The following INPP4B variants were observed in gnomAD, a reference collection of about 807,000 sequenced individuals.
INPP4B encodes inositol polyphosphate 4-phosphatase type II.
INPP4B carries 55 observed loss-of-function variants against 122.5 expected under a neutral mutation model. The observed-to-expected ratio is 0.45, with a 90% confidence interval of 0.36 to 0.56. INPP4B has a LOEUF of 0.56. Ranked by LOEUF, INPP4B falls within the 20% of genes least tolerant of loss-of-function variation. The pLI is 0.00. For synonymous variants in INPP4B, 403 were observed against 388.7 expected (o/e 1.04, Z -0.43); for missense variants, 1,000 against 1,097.7 (o/e 0.91, Z 1.26).
chr4:142,202,256 C>G (rs543974534), intron 14 of INPP4B, among the ~76,000 whole-genome samples: 1 of 152,018 alleles, frequency 6.6e-6, no homozygotes, highest in Non-Finnish European at 1.5e-5. Context: ...GAGATAATAA[C>G]TCTATTTTTC....
chr4:142,835,603 T>G (rs1191142796), intron 1 of INPP4B, among the ~76,000 whole-genome samples: 2 of 152,216 alleles, frequency 1.3e-5, no homozygotes, highest in African/African-American at 4.8e-5. Flanking sequence ...AAAAGTCTAT[T>G]ATTTTAGGGA....
At chr4:142,460,512 G>A (rs907547774) in intron 3 of INPP4B, among the ~76,000 whole-genome samples, 1 of 152,062 alleles carries the variant, frequency 6.6e-6, no homozygotes, top group Admixed American at 6.6e-5. Context: ...TTCAATGTTG[G>A]TCTATTTTCT....
At chr4:142,720,683 G>C (rs1285638035) in intron 2 of INPP4B, among the ~76,000 whole-genome samples, 6 of 106,152 alleles carry the variant, frequency 5.7e-5, no homozygotes, top group Non-Finnish European at 1.0e-4. Context: ...ATCTATGGAT[G>C]TGGAACCCAT....
intron 2 of INPP4B, among the ~76,000 whole-genome samples, chr4:142,561,711 G>A (rs886446714): frequency 8.5e-5 from 13 of 152,120 alleles, no homozygotes; most frequent in African/African-American, 3.1e-4. Context: ...GAGCCACCAC[G>A]CCTGGCTGAC....
At chr4:142,284,337 A>C (rs1752539156) in intron 9 of INPP4B, among the ~76,000 whole-genome samples, 1 of 152,196 alleles carries the variant, frequency 6.6e-6, no homozygotes, top group Non-Finnish European at 1.5e-5. Flanking sequence ...AAGTGCTGGA[A>C]TAATGTTCTC....
chr4:142,701,926 A>G (rs1761832730), intron 2 of INPP4B, among the ~76,000 whole-genome samples: 1 of 152,206 alleles, frequency 6.6e-6, no homozygotes, highest in Non-Finnish European at 1.5e-5. Context: ...TACTATATAT[A>G]CTAGTACTAA....
intron 16 of INPP4B, among the ~76,000 whole-genome samples, chr4:142,173,303 ATAAAG>A (rs894121796): frequency 5.9e-5 from 9 of 151,986 alleles, no homozygotes; most frequent in African/African-American, 1.9e-4. Flanking sequence ...CCAGAGGAAA[ATAAAG>A]TAATTTTCAA....
At chr4:142,548,644 TCA>T (rs1156591768) in intron 2 of INPP4B, among the ~76,000 whole-genome samples, 1 of 152,086 alleles carries the variant, frequency 6.6e-6, no homozygotes, top group East Asian at 1.9e-4. Flanking sequence ...CAATAGAGCT[TCA>T]CTCTACAGAA....
chr4:142,789,105 T>C (rs1776172919), intron 1 of INPP4B, among the ~76,000 whole-genome samples: 1 of 152,112 alleles, frequency 6.6e-6, no homozygotes, highest in African/African-American at 2.4e-5. Flanking sequence ...AAGCCATCTA[T>C]GACAAACCCA....
intron 7 of INPP4B, chr4:142,384,190 A>G (rs11944503): frequency 0.15 from 103,027 of 698,746 alleles, 9,281 homozygotes; most frequent in African/African-American, 0.35. Flanking sequence ...ATTCCAGTAC[A>G]TGTGGGTTAA....
At chr4:142,626,245 T>A (rs182868301) in intron 2 of INPP4B, among the ~76,000 whole-genome samples, 3 of 152,102 alleles carry the variant, frequency 2.0e-5, no homozygotes, top group African/African-American at 7.2e-5. Context: ...GTGAACATGA[T>A]GGACTATCAT....
chr4:142,804,306 G>A (rs565096813), intron 1 of INPP4B, among the ~76,000 whole-genome samples: 1 of 152,190 alleles, frequency 6.6e-6, no homozygotes, highest in East Asian at 1.9e-4. Context: ...CTAACCTGAA[G>A]GGTTTATATA....
intron 7 of INPP4B, among the ~76,000 whole-genome samples, chr4:142,386,991 G>A (rs906402132): frequency 2.0e-5 from 3 of 152,074 alleles, no homozygotes; most frequent in Non-Finnish European, 2.9e-5. Flanking sequence ...AGAGCTCTAC[G>A]GGTTTGTGTT....
At chr4:142,753,063 A>G (rs892291621) in intron 1 of INPP4B, among the ~76,000 whole-genome samples, 1 of 152,122 alleles carries the variant, frequency 6.6e-6, no homozygotes, top group South Asian at 2.1e-4. Flanking sequence ...AAGACACATG[A>G]TAAAGCCTTT....
chr4:142,415,824 T>C (rs1308358864), intron 5 of INPP4B, among the ~76,000 whole-genome samples: 1 of 152,046 alleles, frequency 6.6e-6, no homozygotes, highest in Non-Finnish European at 1.5e-5. Context: ...TATGCAGCCA[T>C]AAAAAATGAT....
rs560997555 is a variant in INPP4B at position 142,462,561 on chromosome 4, A to T, written c.-127+102T>A. Reference sequence around the variant, plus strand: ...CAGTCACACATATGCTAAAACACCTAACTGGCATTATTGTAAAATATTTTG... The same window carrying T: ...CAGTCACACATATGCTAAAACACCTTACTGGCATTATTGTAAAATATTTTG... On this transcript the variant is annotated intron_variant, in intron 3 of 25. Transcript: ENST00000262992. The T allele has an allele frequency of 7.2e-5, 11 of 152,332 alleles. No homozygotes were observed. In the South Asian group the frequency reaches 2.3e-3, roughly 32 times the overall value. 9.4% of individuals were successfully genotyped at this position (152,332 alleles called of 1,614,324 possible).
intron 11 of INPP4B, among the ~76,000 whole-genome samples, chr4:142,245,949 CATAT>C (rs764885883): frequency 5.2e-5 from 1 of 19,088 alleles, no homozygotes; most frequent in African/African-American, 1.5e-4. Flanking sequence ...TGTATGTATA[CATAT>C]ATATGTGTAT....
At chr4:142,502,045 A>C (rs550574335) in intron 2 of INPP4B, among the ~76,000 whole-genome samples, 16 of 152,318 alleles carry the variant, frequency 1.1e-4, no homozygotes, top group African/African-American at 3.6e-4. Flanking sequence ...AAGGTAAAAT[A>C]ACAGTTAAAA....
chr4:142,768,231 T>G (rs1772452583), intron 1 of INPP4B, among the ~76,000 whole-genome samples: 1 of 152,192 alleles, frequency 6.6e-6, no homozygotes, highest in African/African-American at 2.4e-5. Flanking sequence ...CACTAAGTGC[T>G]TTATACCATG....
Sources: allele counts gnomAD v4.1 joint callset (sites outside exome capture counted in the v4.1 genomes callset), GRCh38; gene constraint gnomAD v4.1.1; transcripts MANE v1.5; gene names NCBI Gene and HGNC (gene_info 2026-07-23, HGNC 2026-07-21).